GPR141: variants seen among roughly 807,000 people sequenced by gnomAD.
The protein encoded by GPR141 is G protein-coupled receptor 141, also known as probable G protein-coupled receptor 141.
GPR141 carries 6 observed loss-of-function variants against 6.8 expected under a neutral mutation model. That is an observed-to-expected ratio of 0.88 (90% CI 0.48 to 1.74). The LOEUF is 1.74. Among genes scored for constraint, GPR141 ranks in the 40% most tolerant of loss-of-function variants. GPR141 has a pLI of 0.01. For missense variants in GPR141, 372 were observed against 372.9 expected (o/e 1.00, Z 0.02); for synonymous variants, 140 against 142.3 (o/e 0.98, Z 0.11).
chr7:37,735,299 A>C (rs1171152329), intron 2 of GPR141, among the ~76,000 whole-genome samples: 2 of 152,230 alleles, frequency 1.3e-5, no homozygotes, highest in Non-Finnish European at 2.9e-5. Context: ...CAGAGCTGAG[A>C]ATCCAAATTC....
chr7:37,739,587 T>C (rs1812428024), intron 2 of GPR141, among the ~76,000 whole-genome samples: 1 of 152,190 alleles, frequency 6.6e-6, no homozygotes, highest in Non-Finnish European at 1.5e-5. Context: ...ACTAAATCTT[T>C]TACAGCAAGC....
chr7:37,708,325 A>AAAAC (rs1554341184), intron 2 of GPR141, among the ~76,000 whole-genome samples: 25 of 151,382 alleles, frequency 1.7e-4, no homozygotes, highest in African/African-American at 6.1e-4. Flanking sequence ...AAAAAAAAAA[A>AAAAC]AAAAAAAAAA....
Position 37,740,536 on chromosome 7 carries a change from G to A in GPR141, c.143G>A (p.Arg48Gln), listed in dbSNP as rs566037940. ...TTCCTCCTGGTGAAAATGAACACCC[G>A]GTCAGTGACCACCATGGCGGTCATT... Reference protein sequence around the residue: ...ILFLLVKMNTRSVTTMAVINL... With the variant: ...ILFLLVKMNTQSVTTMAVINL... Residue 48 changes from arginine (R) to glutamine (Q), a missense_variant, in exon 3 of 3, where the codon CGG (arginine) becomes CAG (glutamine). Transcript: ENST00000334425. The A allele has an allele frequency of 1.3e-5, 21 of 1,613,990 alleles. No individual in the cohort carries two copies. The highest frequency in any genetic ancestry group is 4.4e-5 in the South Asian group (4 of 91,064).
In GPR141 at chr7:37,740,892, T is replaced by C. The variant is rs1437029965; in HGVS notation, c.499T>C (p.Phe167Leu). Residue 167 changes from phenylalanine (F) to leucine (L), a missense_variant, in exon 3 of 3, where the codon TTT (phenylalanine) becomes CTT (leucine). Physicochemically the swap from Phe to Leu is conservative, Grantham distance 22 (BLOSUM62 0). Transcript: ENST00000334425. ...IHEEYNEEHCFKFHKELAYTY... is the reference protein window; with the variant it reads ...IHEEYNEEHCLKFHKELAYTY... ...TGAGGAATACAATGAGGAGCACTGT[T>C]TTAAATTTCACAAAGAGCTTGCTTA... The C allele has an allele frequency of 1.2e-6, 2 of 1,614,036 alleles. No individual in the cohort carries two copies. Among genetic ancestry groups the C allele is most frequent in the Admixed American group, 3.3e-5 (2 of 60,002 alleles).
chr7:37,731,250 A>G (rs1031526622), intron 2 of GPR141, among the ~76,000 whole-genome samples: 1 of 152,222 alleles, frequency 6.6e-6, no homozygotes, highest in Non-Finnish European at 1.5e-5. Context: ...CAGGGATTAG[A>G]GACAGGCTGT....
chr7:37,708,014 A>G (rs996059065), intron 2 of GPR141, among the ~76,000 whole-genome samples: 1 of 152,174 alleles, frequency 6.6e-6, no homozygotes, highest in East Asian at 1.9e-4. Context: ...AAATTTTCAG[A>G]TGCTAAAGAA....
intron 2 of GPR141, among the ~76,000 whole-genome samples, chr7:37,713,883 C>A (rs1339323290): frequency 6.6e-6 from 1 of 152,254 alleles, no homozygotes; most frequent in African/African-American, 2.4e-5. Flanking sequence ...AACAATACTG[C>A]AGTATTGATT....
intron 2 of GPR141, among the ~76,000 whole-genome samples, chr7:37,696,547 G>A (rs1256417474): frequency 2.0e-5 from 3 of 151,476 alleles, no homozygotes; most frequent in South Asian, 2.1e-4. Flanking sequence ...TTTCCTCAGC[G>A]CGACTTGTTA....
chr7:37,730,780 T>C (rs117179658), intron 2 of GPR141, among the ~76,000 whole-genome samples: 467 of 152,386 alleles, frequency 3.1e-3, no homozygotes, highest in Non-Finnish European at 4.4e-3. Flanking sequence ...GGGACTGTTC[T>C]AAATAGCAAG....
At chr7:37,721,934 G>A (rs1398142497) in intron 2 of GPR141, among the ~76,000 whole-genome samples, 1 of 152,078 alleles carries the variant, frequency 6.6e-6, no homozygotes. Context: ...CACCTACAGT[G>A]AATAAAGATT....
At chr7:37,688,470 T>C (rs537260018) in intron 2 of GPR141, among the ~76,000 whole-genome samples, 1 of 152,140 alleles carries the variant, frequency 6.6e-6, no homozygotes, top group African/African-American at 2.4e-5. Flanking sequence ...AAAATTACAA[T>C]GTAGTAAAAA....
intron 2 of GPR141, among the ~76,000 whole-genome samples, chr7:37,723,054 T>TACC (rs1243347527): frequency 6.6e-6 from 1 of 151,120 alleles, no homozygotes; most frequent in African/African-American, 2.4e-5. Flanking sequence ...TGGTATCTTG[T>TACC]ACCACTTGGC....
rs150778400 is a variant in GPR141 at position 37,711,404 on chromosome 7, T to C, written c.-15+25821T>C. 3.7e-3 allele frequency among the ~76,000 whole-genome samples: 557 copies of C among 152,318 alleles called. 3 individuals carry two copies. The highest frequency in any genetic ancestry group is 0.013 in the African/African-American group (539 of 41,574). On this transcript the variant is annotated intron_variant, in intron 2 of 2. Coordinates refer to ENST00000334425, the MANE Select transcript of GPR141 (RefSeq NM_001381946.1). ...TGCTAAAGTAGAGATGAACTCACTT[T>C]GAGCTACATGGGAGTAAGTGTGGAA...
intron 2 of GPR141, among the ~76,000 whole-genome samples, chr7:37,691,528 T>A (rs117644921): frequency 1.3e-5 from 2 of 152,124 alleles, no homozygotes; most frequent in East Asian, 3.9e-4. Flanking sequence ...TCTTTTTTCC[T>A]CTCTTATTGT....
chr7:37,714,155 T>C (rs970503280), intron 2 of GPR141, among the ~76,000 whole-genome samples: 1 of 152,208 alleles, frequency 6.6e-6, no homozygotes, highest in Non-Finnish European at 1.5e-5. Flanking sequence ...TTTATTCTCT[T>C]GAGAGCCTGT....
intron 2 of GPR141, among the ~76,000 whole-genome samples, chr7:37,736,403 G>A (rs1252996553): frequency 6.6e-6 from 1 of 151,378 alleles, no homozygotes; most frequent in African/African-American, 2.4e-5. Flanking sequence ...TTGGGACAAA[G>A]CAATATTTGG....
chr7:37,722,847 G>A (rs1201535392), intron 2 of GPR141, among the ~76,000 whole-genome samples: 5 of 151,784 alleles, frequency 3.3e-5, no homozygotes, highest in African/African-American at 1.2e-4. Context: ...TAACACAGAT[G>A]CATAGAAAGA....
intron 2 of GPR141, among the ~76,000 whole-genome samples, chr7:37,693,911 A>G (rs1394749318): frequency 6.6e-6 from 1 of 152,128 alleles, no homozygotes; most frequent in Non-Finnish European, 1.5e-5. Context: ...TGAAGTCTGT[A>G]AAGACAAAGT....
chr7:37,724,560 C>T (rs1258655314), intron 2 of GPR141, among the ~76,000 whole-genome samples: 2 of 152,162 alleles, frequency 1.3e-5, no homozygotes, highest in Admixed American at 6.5e-5. Context: ...ACACTGAGCT[C>T]GTCCTTAATG....
Sources: gnomAD v4.1 joint callset for allele counts (sites outside exome capture counted in the v4.1 genomes callset) on GRCh38, gnomAD v4.1.1 for gene constraint, MANE v1.5 for transcripts, NCBI Gene and HGNC (gene_info 2026-07-23, HGNC 2026-07-21) for gene names.